Variants in BCAS3 observed in about 807,000 individuals in gnomAD.
The protein encoded by BCAS3 is BCAS4/BCAS3 fusion.
Under a neutral mutation model 116.1 loss-of-function variants are expected in BCAS3, and 53 were observed. The observed-to-expected ratio is 0.46, with a 90% confidence interval of 0.37 to 0.57. BCAS3 has a LOEUF of 0.57. Among genes scored for constraint, BCAS3 ranks in the 20% least tolerant of loss-of-function variants. The probability of loss-of-function intolerance (pLI) is 0.00; values close to 1 mark genes in which losing one functional copy is unlikely to be tolerated. For synonymous variants in BCAS3, 391 were observed against 408.2 expected (o/e 0.96, Z 0.51); for missense variants, 917 against 1,165.4 (o/e 0.79, Z 3.10).
At chr17:61,207,715 T>G (rs1302456109) in intron 22 of BCAS3, among the ~76,000 whole-genome samples, 2 of 152,160 alleles carry the variant, frequency 1.3e-5, no homozygotes, top group Non-Finnish European at 2.9e-5. Context: ...CCCACCCAAA[T>G]TTCTATGTTG....
chr17:61,334,282 G>A (rs961350076), intron 22 of BCAS3, among the ~76,000 whole-genome samples: 4 of 152,150 alleles, frequency 2.6e-5, no homozygotes, highest in Non-Finnish European at 2.9e-5. Flanking sequence ...GGGTGAGCTG[G>A]ATGACCTTGG....
At chr17:60,979,115 T>C (rs2062620743) in intron 14 of BCAS3, among the ~76,000 whole-genome samples, 1 of 149,540 alleles carries the variant, frequency 6.7e-6, no homozygotes, top group Non-Finnish European at 1.5e-5. Flanking sequence ...TTTCACGATA[T>C]TGATTCTTCC....
At chr17:61,253,740 T>C (rs1696766464) in intron 22 of BCAS3, among the ~76,000 whole-genome samples, 2 of 152,060 alleles carry the variant, frequency 1.3e-5, no homozygotes, top group South Asian at 4.2e-4. Context: ...AGGTGGATTT[T>C]AATGTTATTG....
rs963256902 is a variant in BCAS3 at position 61,191,691 on chromosome 17, C to T, written c.2425+107127C>T. ...TTGGGAGACTGAGGCAGGAGAATGG[C>T]GTGAACCTGGGAGGCAGAGCTTGCT... On this transcript the variant is annotated intron_variant, in intron 22 of 23. Coordinates refer to ENST00000407086, the MANE Select transcript of BCAS3 (RefSeq NM_017679.5). 2.0e-5 allele frequency among the ~76,000 whole-genome samples: 3 copies of T among 151,576 alleles called. No individual in the cohort carries two copies. The East Asian group carries it at 5.8e-4, about 30-fold the overall frequency.
intron 22 of BCAS3, among the ~76,000 whole-genome samples, chr17:61,160,510 A>G (rs2078109796): frequency 6.6e-6 from 1 of 152,184 alleles, no homozygotes; most frequent in South Asian, 2.1e-4. Flanking sequence ...AGCAAAGCTT[A>G]AAAGTCAGCT....
chr17:61,262,568 G>T (rs1446847770), intron 22 of BCAS3, among the ~76,000 whole-genome samples: 1 of 152,050 alleles, frequency 6.6e-6, no homozygotes, highest in Admixed American at 6.6e-5. Flanking sequence ...GTTAGTAGAG[G>T]TGAGGTTTCG....
Position 61,136,973 on chromosome 17 carries a change from C to T in BCAS3, c.2425+52409C>T, listed in dbSNP as rs573869149. On this transcript the variant is annotated intron_variant, in intron 22 of 23. Coordinates refer to ENST00000407086, the MANE Select transcript of BCAS3 (RefSeq NM_017679.5). This position sits in a 1 kb window ranked among gnomAD's most constrained non-coding sequence, Gnocchi z 4.4. ...TTGATTCACATTGAATTGTATACATCAAATGTAAGAATTATGAATTACATT... is the reference window on the plus strand; with the variant it reads ...TTGATTCACATTGAATTGTATACATTAAATGTAAGAATTATGAATTACATT... Among the ~76,000 whole-genome samples, 8 of 152,200 alleles carry T rather than the reference C, an allele frequency of 5.3e-5. No individual in the cohort carries two copies. The highest frequency in any genetic ancestry group is 1.9e-4 in the African/African-American group (8 of 41,524).
At chr17:60,938,015 C>CT (rs1345897513) in intron 13 of BCAS3, among the ~76,000 whole-genome samples, 2 of 144,270 alleles carry the variant, frequency 1.4e-5, no homozygotes, top group African/African-American at 5.9e-5. Flanking sequence ...ATATTTCTCA[C>CT]TCTTTTTTTT....
rs1292262342 is a variant in BCAS3, at chr17:61,327,702, G to T, written c.2426-40625G>T. Among the ~76,000 whole-genome samples, 1 of 152,114 alleles carries T rather than the reference G, an allele frequency of 6.6e-6. No individual in the cohort carries two copies. The highest frequency in any genetic ancestry group is 2.4e-5 in the African/African-American group (1 of 41,420). ...TTTTTGTATTTTTGGTAGAGATGGG[G>T]TTTCACCATGTTGGCCAGGCAGGTC... is the stretch of plus-strand genomic sequence containing the variant. On this transcript the variant is annotated intron_variant, in intron 22 of 23. Transcript: ENST00000407086. This position sits in a 1 kb window ranked among gnomAD's most constrained non-coding sequence, Gnocchi z 5.9.
intron 22 of BCAS3, among the ~76,000 whole-genome samples, chr17:61,172,849 G>A (rs961136018): frequency 6.6e-6 from 1 of 150,844 alleles, no homozygotes; most frequent in East Asian, 2.0e-4. Context: ...TTAGCCGGGC[G>A]TGGCGGTGGG....
chr17:60,770,400 CTTTTT>C (rs35691381), intron 6 of BCAS3, among the ~76,000 whole-genome samples: 1 of 76,904 alleles, frequency 1.3e-5, no homozygotes, highest in Non-Finnish European at 2.9e-5. Context: ...AGTGTTCCCT[CTTTTT>C]TTTTTTTTTT....
At position 61,388,552 on chromosome 17, in the gene BCAS3, G is replaced by T; in HGVS notation, c.2594-3425G>T. 5.5e-6 allele frequency: 8 copies of T among 1,453,824 alleles called. No homozygotes were observed. Among genetic ancestry groups the T allele is most frequent in the Non-Finnish European group, 6.5e-6 (7 of 1,078,720 alleles). The allele number at this position is 1,453,824 out of a possible 1,614,324, so 90.1% of individuals were successfully genotyped here. ...CCTCTCCACCTGCTTGCAGAGATCA[G>T]TGTACTTCTCAATCGTTGTCCATAT... On this transcript the variant is annotated intron_variant, in intron 23 of 23. Transcript: ENST00000407086. This position sits in a 1 kb window ranked among gnomAD's most constrained non-coding sequence, Gnocchi z 6.5.
chr17:61,193,974 G>A (rs561258698), intron 22 of BCAS3, among the ~76,000 whole-genome samples: 5 of 151,272 alleles, frequency 3.3e-5, no homozygotes, highest in South Asian at 2.1e-4. Context: ...AAAATTTGCC[G>A]GGCCTGGTGG....
chr17:60,926,079 T>C (rs953519909), intron 13 of BCAS3, among the ~76,000 whole-genome samples: 8 of 152,158 alleles, frequency 5.3e-5, no homozygotes, highest in South Asian at 2.1e-4. Context: ...TGTGGCATCA[T>C]GTCAGTGCTC....
In BCAS3 at chr17:61,073,101, A is replaced by G. The variant is rs993055801; in HGVS notation, c.2030-1819A>G. ...AATATCATTACTTATCAGCCTTTCAATGTATATCAATTATTTCCAAAAGAA... is the reference window on the plus strand; with the variant it reads ...AATATCATTACTTATCAGCCTTTCAGTGTATATCAATTATTTCCAAAAGAA... On this transcript the variant is annotated intron_variant, in intron 19 of 23. Coordinates refer to ENST00000407086, the MANE Select transcript of BCAS3 (RefSeq NM_017679.5). The surrounding 1 kb of genome is among the most constrained non-coding windows in gnomAD (Gnocchi z 4.6). Among the ~76,000 whole-genome samples, 4 of 152,182 alleles carry G rather than the reference A, an allele frequency of 2.6e-5. No homozygotes were observed. The highest frequency in any genetic ancestry group is 7.2e-5 in the African/African-American group (3 of 41,442).
At chr17:60,793,177 A>G (rs2046924000) in intron 6 of BCAS3, among the ~76,000 whole-genome samples, 1 of 152,028 alleles carries the variant, frequency 6.6e-6, no homozygotes, top group Non-Finnish European at 1.5e-5. Context: ...TGCTCACTGC[A>G]ACTTCTGCCT....
rs1276739837 is a variant in BCAS3, at chr17:61,132,724, G to A, written c.2425+48160G>A. On this transcript the variant is annotated intron_variant, in intron 22 of 23. Coordinates refer to ENST00000407086, the MANE Select transcript of BCAS3 (RefSeq NM_017679.5). This position sits in a 1 kb window ranked among gnomAD's most constrained non-coding sequence, Gnocchi z 5.1. ...TGCAGACTGTGTTAAATGCAGAGGA[G>A]GCAAGGTGGAGAGAAGGAAAGACAA... Among the ~76,000 whole-genome samples the A allele has an allele frequency of 6.6e-6, 1 of 152,144 alleles. No homozygotes were observed. The highest frequency in any genetic ancestry group is 2.4e-5 in the African/African-American group (1 of 41,438).
rs2074053651 is a variant in BCAS3 at position 61,097,461 on chromosome 17, G to T, written c.2425+12897G>T. Among the ~76,000 whole-genome samples the T allele has an allele frequency of 6.6e-6, 1 of 152,106 alleles. No individual in the cohort carries two copies. The highest frequency in any genetic ancestry group is 1.5e-5 in the Non-Finnish European group (1 of 68,016). ...CCAAAGTGCTGGGATTAGCCACTGT[G>T]ACCAGCCTCTTTATTTCTTAGGTTT... is the stretch of plus-strand genomic sequence containing the variant. On this transcript the variant is annotated intron_variant, in intron 22 of 23. Transcript: ENST00000407086. This position sits in a 1 kb window ranked among gnomAD's most constrained non-coding sequence, Gnocchi z 4.0.
At chr17:61,284,640 A>G (rs1265314429) in intron 22 of BCAS3, among the ~76,000 whole-genome samples, 2 of 147,886 alleles carry the variant, frequency 1.4e-5, no homozygotes, top group African/African-American at 5.1e-5. Context: ...GCAGCCCACA[A>G]CTGCGTTTTT....
Sources: gnomAD v4.1 joint callset for allele counts (sites outside exome capture counted in the v4.1 genomes callset) on GRCh38, gnomAD v4.1.1 for gene constraint, Gnocchi (gnomAD v3.1) non-coding constraint, MANE v1.5 for transcripts, NCBI Gene and HGNC (gene_info 2026-07-23, HGNC 2026-07-21) for gene names.